Variants in PTPN21 observed in about 807,000 individuals in gnomAD.
PTPN21 encodes protein tyrosine phosphatase non-receptor type 21, also known as tyrosine-protein phosphatase non-receptor type 21.
A neutral mutation model predicts 131.8 loss-of-function variants in PTPN21; 77 were observed. The ratio of observed to expected loss-of-function variants is 0.58; its 90% confidence interval spans 0.49 to 0.71. The LOEUF is 0.71. Among genes scored for constraint, PTPN21 ranks in the 30% least tolerant of loss-of-function variants. The pLI is 0.00. For synonymous variants in PTPN21, 715 were observed against 621.3 expected (o/e 1.15, Z -2.24); for missense variants, 1,552 against 1,527.1 (o/e 1.02, Z -0.27).
At chr14:88,486,549 G>T (rs766228145) in intron 10 of PTPN21, among the ~76,000 whole-genome samples, 1 of 151,958 alleles carries the variant, frequency 6.6e-6, no homozygotes, top group Admixed American at 6.6e-5. Context: ...TCAAACCTAC[G>T]TATTTTTTAA....
rs142588327 is a variant in PTPN21 at position 88,525,424 on chromosome 14, A to C, written c.181-8163T>G. Among the ~76,000 whole-genome samples the C allele has an allele frequency of 2.9e-3, 449 of 152,314 alleles. 3 individuals carry two copies. The highest frequency in any genetic ancestry group is 0.01 in the African/African-American group (435 of 41,580). ...GGCAAAGGACTTACACACTTTTTGA[A>C]AAAAGATATGAATGGCTAACAAGCA... On this transcript the variant is annotated intron_variant, in intron 2 of 18. Transcript: ENST00000556564.
intron 10 of PTPN21, among the ~76,000 whole-genome samples, chr14:88,487,734 G>A (rs2077758901): frequency 6.6e-6 from 1 of 151,770 alleles, no homozygotes; most frequent in Admixed American, 6.6e-5. Context: ...TGGCGTGTCT[G>A]GGTTTTAAAA....
At chr14:88,548,792 C>G (rs1370497798) in intron 2 of PTPN21, among the ~76,000 whole-genome samples, 2 of 152,166 alleles carry the variant, frequency 1.3e-5, no homozygotes, top group African/African-American at 4.8e-5. Context: ...GACCTTTCTT[C>G]ACAGGCCTTG....
chr14:88,496,297 A>G, intron 10 of PTPN21, 116 bp downstream of exon 10: 2 of 899,310 alleles, frequency 2.2e-6, no homozygotes, highest in Non-Finnish European at 1.7e-6. Context: ...AAACAGCTAT[A>G]GGATCAAGAA....
intron 2 of PTPN21, among the ~76,000 whole-genome samples, chr14:88,542,244 C>T (rs1230101329): frequency 6.6e-6 from 1 of 152,152 alleles, no homozygotes; most frequent in Non-Finnish European, 1.5e-5. Flanking sequence ...CACAATAACG[C>T]TCATTTACCC....
Position 88,497,272 on chromosome 14 carries a change from G to A in PTPN21, c.783C>T (p.Asn261=). The part of the protein sequence containing the change: ...PVVFRWHDIA[N]MSHNKSFFAL... ...CAAAAAAGGACTTGTTGTGGGACAT[G>A]TTGGCAATGTCATGCCACCTAAAGA... Residue 261 remains asparagine (N), a synonymous_variant, in exon 9 of 19, where the codon AAC becomes AAT. Coordinates refer to ENST00000556564, the MANE Select transcript of PTPN21 (RefSeq NM_007039.4). 6.2e-7 allele frequency: 1 copy of A among 1,613,336 alleles called. No homozygotes were observed. The highest frequency in any genetic ancestry group is 8.5e-7 in the Non-Finnish European group (1 of 1,179,316).
intron 8 of PTPN21, among the ~76,000 whole-genome samples, chr14:88,499,704 A>G (rs535428332): frequency 6.6e-6 from 1 of 152,354 alleles, no homozygotes; most frequent in East Asian, 1.9e-4. Flanking sequence ...AGCACTCAAC[A>G]AATGGTAGAC....
Position 88,517,877 on chromosome 14 carries a change from A to G in PTPN21, c.181-616T>C, listed in dbSNP as rs2078305599. Among the ~76,000 whole-genome samples the G allele has an allele frequency of 3.4e-5, 5 of 146,562 alleles. No individual in the cohort carries two copies. In the Admixed American group the frequency reaches 3.4e-4, roughly 10 times the overall value. On this transcript the variant is annotated intron_variant, in intron 2 of 18. Transcript: ENST00000556564. ...TATATATATGTGTATATGTGTATATATACTATATATACGTGTATGTGTATA... is the reference window on the plus strand; with the variant it reads ...TATATATATGTGTATATGTGTATATGTACTATATATACGTGTATGTGTATA...
At chr14:88,530,220 C>T (rs1427421977) in intron 2 of PTPN21, among the ~76,000 whole-genome samples, 1 of 140,528 alleles carries the variant, frequency 7.1e-6, no homozygotes, top group Non-Finnish European at 1.7e-5. Flanking sequence ...TTCAGACAAA[C>T]AAATGCTGAA....
At chr14:88,553,266 C>T (rs1339840637) in intron 1 of PTPN21, among the ~76,000 whole-genome samples, 1 of 152,134 alleles carries the variant, frequency 6.6e-6, no homozygotes. Flanking sequence ...TGTGTGTGTA[C>T]ATGGTGCATC....
At chr14:88,489,728 G>A (rs1366113959) in intron 10 of PTPN21, among the ~76,000 whole-genome samples, 1 of 152,158 alleles carries the variant, frequency 6.6e-6, no homozygotes, top group African/African-American at 2.4e-5. Flanking sequence ...TACACCTTTT[G>A]AGCTCACTAT....
chr14:88,509,584 G>C (rs1208495599), intron 3 of PTPN21, among the ~76,000 whole-genome samples: 1 of 152,200 alleles, frequency 6.6e-6, no homozygotes, highest in African/African-American at 2.4e-5. Context: ...GATGCTGGCA[G>C]TTCTGGGATC....
At chr14:88,507,048 CA>C (rs34922069) in intron 4 of PTPN21, among the ~76,000 whole-genome samples, 19 of 145,800 alleles carry the variant, frequency 1.3e-4, no homozygotes, top group Admixed American at 4.8e-4. Flanking sequence ...GACTCCATCT[CA>C]AAAAAAAAAG....
chr14:88,538,298 G>C (rs1395807561), intron 2 of PTPN21, among the ~76,000 whole-genome samples: 3 of 152,150 alleles, frequency 2.0e-5, no homozygotes, highest in Admixed American at 1.3e-4. Flanking sequence ...TCTGAATCTA[G>C]AAGCCCACCA....
chr14:88,518,772 C>A (rs2078344212), intron 2 of PTPN21, among the ~76,000 whole-genome samples: 1 of 151,798 alleles, frequency 6.6e-6, no homozygotes, highest in Non-Finnish European at 1.5e-5. Flanking sequence ...GGGGTTCTAC[C>A]CAGTAGAATG....
At chr14:88,517,338 G>C (rs2078288881) in intron 2 of PTPN21, 77 bp from the exon 3 acceptor site, 4 of 1,458,612 alleles carry the variant, frequency 2.7e-6, no homozygotes, top group Non-Finnish European at 3.8e-6. Flanking sequence ...ACTAATCCCT[G>C]ACCTGTGACC....
chr14:88,492,243 G>A (rs140472908), intron 10 of PTPN21, among the ~76,000 whole-genome samples: 72 of 152,240 alleles, frequency 4.7e-4, no homozygotes, highest in African/African-American at 1.7e-3. Flanking sequence ...AAAATGCTGT[G>A]GTCCAACAGA....
chr14:88,529,509 G>A (rs1186184333), intron 2 of PTPN21, among the ~76,000 whole-genome samples: 1 of 152,072 alleles, frequency 6.6e-6, no homozygotes, highest in Admixed American at 6.6e-5. Flanking sequence ...TGAGGAAGAA[G>A]AGAAATCTAA....
In PTPN21 at chr14:88,479,961, G is replaced by A. The variant is rs57101366; in HGVS notation, c.1470C>T (p.Val490=). Residue 490 remains valine, a synonymous_variant, in exon 13 of 19, where the codon GTC becomes GTT. Transcript: ENST00000556564. ...GCTCGCGGATCTCGGGCTGGCTGTAGACCAGCGCCGCGGGCCTGCTGTAGG... is the reference window on the plus strand; with the variant it reads ...GCTCGCGGATCTCGGGCTGGCTGTAAACCAGCGCCGCGGGCCTGCTGTAGG... The part of the protein sequence containing the change: ...SYAYSRPAAL[V]YSQPEIREHA... The A allele has an allele frequency of 6.8e-6, 11 of 1,608,586 alleles. No individual in the cohort carries two copies. Among genetic ancestry groups the A allele is most frequent in the Non-Finnish European group, 9.3e-6 (11 of 1,179,968 alleles).
Sources: gnomAD v4.1 joint callset for allele counts (sites outside exome capture counted in the v4.1 genomes callset) on GRCh38, gnomAD v4.1.1 for gene constraint, MANE v1.5 for transcripts, NCBI Gene and HGNC (gene_info 2026-07-23, HGNC 2026-07-21) for gene names.